The following ZNF721 variants were observed in gnomAD, a reference collection of about 807,000 sequenced individuals.
ZNF721 encodes zinc finger protein 721.
In ZNF721, 2 loss-of-function variants were observed where a neutral mutation model predicts 2.4. The observed-to-expected ratio is 0.82, with a 90% confidence interval of 0.34 to 2.58. ZNF721 has a LOEUF of 2.58. Among genes scored for constraint, ZNF721 ranks in the 30% most tolerant of loss-of-function variants. The probability of loss-of-function intolerance (pLI) is 0.11; values close to 1 mark genes in which losing one functional copy is unlikely to be tolerated. For synonymous variants in ZNF721, 398 were observed against 381.8 expected (o/e 1.04, Z -0.50); for missense variants, 1,187 against 1,085.5 (o/e 1.09, Z -1.31).
intron 2 of ZNF721, among the ~76,000 whole-genome samples, chr4:470,136 C>A (rs1199973104): frequency 6.6e-6 from 1 of 152,192 alleles, no homozygotes; most frequent in Non-Finnish European, 1.5e-5. Context: ...CCTGCCTCTG[C>A]CTCCCAAAGT....
At chr4:482,646 G>A (rs1243242515) in intron 1 of ZNF721, among the ~76,000 whole-genome samples, 2 of 151,460 alleles carry the variant, frequency 1.3e-5, no homozygotes, top group African/African-American at 2.4e-5. Flanking sequence ...ACAAGCGCCC[G>A]CCACCATGCC....
At chr4:471,025 C>T (rs1196911317) in intron 2 of ZNF721, among the ~76,000 whole-genome samples, 3 of 151,542 alleles carry the variant, frequency 2.0e-5, no homozygotes, top group East Asian at 3.9e-4. Flanking sequence ...AAGTTAATAT[C>T]CATATCCAAA....
chr4:480,832 G>A (rs975920378), intron 1 of ZNF721, among the ~76,000 whole-genome samples: 1 of 139,126 alleles, frequency 7.2e-6, no homozygotes, highest in Non-Finnish European at 1.6e-5. Flanking sequence ...GTGGGGGGGG[G>A]GGGAATGCTG....
At position 472,692 on chromosome 4, in the gene ZNF721, T is replaced by C. The variant is rs782094543; in HGVS notation, c.-84A>G. The C allele has an allele frequency of 1.2e-6, 2 of 1,612,294 alleles. No homozygotes were observed. The highest frequency in any genetic ancestry group is 2.2e-5 in the South Asian group (2 of 90,710). The stretch of plus-strand genomic sequence containing the variant: ...AATTCTATGGCCACATCCCTGAATG[T>C]TAAGGGTTCCTGAAAATACATATGT... On this transcript the variant is annotated 5_prime_UTR_variant, in exon 2 of 3. Transcript: ENST00000511833.
chr4:494,344 T>C (rs1432663026), intron 1 of ZNF721, among the ~76,000 whole-genome samples: 1 of 144,868 alleles, frequency 6.9e-6, no homozygotes, highest in Non-Finnish European at 1.6e-5. Flanking sequence ...ACCATGCCCA[T>C]CTAATTTTTT....
chr4:444,389 C>T lies in ZNF721; in HGVS notation c.78G>A (p.Gly26=), dbSNP rs1161277134. 1 of 1,600,496 alleles carries T rather than the reference C, an allele frequency of 6.2e-7. No homozygotes were observed. The highest frequency in any genetic ancestry group is 2.2e-5 in the East Asian group (1 of 44,714). ...HFTQDFLPVQ[G]IEDSFHKLIL... ...TAAGTTTGTGGAATGAATCTTCTAT[C>T]CCCTGCACTGGCAAAAAGTCTTGGG... is the stretch of plus-strand genomic sequence containing the variant. Residue 26 remains glycine, a synonymous_variant, in exon 3 of 3, where the codon GGG becomes GGA. Transcript: ENST00000511833.
Position 442,281 on chromosome 4 carries a change from T to G in ZNF721, c.2186A>C (p.Asp729Ala), listed in dbSNP as rs190944345. The change falls in exon 3 of 3, where the codon GAT becomes GCT. Residue 729 changes from aspartate to alanine, a missense_variant. Coordinates refer to ENST00000511833, the MANE Select transcript of ZNF721 (RefSeq NM_133474.4). ...GGACCATCCAAAGGATCTGCCACGA[T>G]CTTCACATTTGTAGGGTTTCTCCCT... ...HTREKPYKCE[D>A]RGRSFGWSTN... is the part of the protein sequence containing the mutation. 1.9e-6 allele frequency: 3 copies of G among 1,613,392 alleles called. No individual in the cohort carries two copies. The East Asian group carries it at 6.7e-5, about 36-fold the overall frequency.
At chr4:452,637 T>C (rs1576956401) in intron 2 of ZNF721, among the ~76,000 whole-genome samples, 1 of 152,128 alleles carries the variant, frequency 6.6e-6, no homozygotes, top group African/African-American at 2.4e-5. Flanking sequence ...TAGATCAACA[T>C]GCTAATTGGA....
chr4:476,739 A>C (rs1553868726), intron 1 of ZNF721, among the ~76,000 whole-genome samples: 1 of 152,182 alleles, frequency 6.6e-6, no homozygotes, highest in Non-Finnish European at 1.5e-5. Context: ...CACTGCTCCA[A>C]CTCTAAGTTA....
chr4:480,767 A>T (rs1715751206), intron 1 of ZNF721, among the ~76,000 whole-genome samples: 1 of 139,976 alleles, frequency 7.1e-6, no homozygotes. Flanking sequence ...TGCATATGCC[A>T]CATCTTCTTT....
intron 2 of ZNF721, among the ~76,000 whole-genome samples, chr4:453,223 C>G (rs1714728615): frequency 6.6e-6 from 1 of 152,206 alleles, no homozygotes; most frequent in African/African-American, 2.4e-5. Context: ...AGTAATGGTC[C>G]TCTGAGCTAT....
At chr4:458,401 T>C (rs1553865638) in intron 2 of ZNF721, among the ~76,000 whole-genome samples, 2 of 152,214 alleles carry the variant, frequency 1.3e-5, no homozygotes, top group African/African-American at 4.8e-5. Flanking sequence ...AGAAGATATT[T>C]ACCTCCCCAA....
intron 1 of ZNF721, among the ~76,000 whole-genome samples, chr4:488,294 G>T (rs1196123006): frequency 2.0e-5 from 3 of 152,214 alleles, no homozygotes; most frequent in Non-Finnish European, 4.4e-5. Flanking sequence ...TCTGGGAACA[G>T]AAGTGCAGGT....
At position 455,084 on chromosome 4, in the gene ZNF721, T is replaced by C. The variant is rs555920343; in HGVS notation, c.35-10652A>G. 1.1e-4 allele frequency among the ~76,000 whole-genome samples: 16 copies of C among 152,310 alleles called. No homozygotes were observed. In the South Asian group the frequency reaches 3.3e-3, roughly 32 times the overall value. ...TCCCGGTCTGGTGGTGAATCCTCCATAGTCTGGTGAATGTAAATATATGTA... is the reference window on the plus strand; with the variant it reads ...TCCCGGTCTGGTGGTGAATCCTCCACAGTCTGGTGAATGTAAATATATGTA... On this transcript the variant is annotated intron_variant, in intron 2 of 2. Transcript: ENST00000511833.
chr4:485,022 A>G (rs112110290), intron 1 of ZNF721, among the ~76,000 whole-genome samples: 1 of 151,736 alleles, frequency 6.6e-6, no homozygotes, highest in Non-Finnish European at 1.5e-5. Flanking sequence ...CTGTCCCTTT[A>G]TTTCTCAAGC....
intron 1 of ZNF721, among the ~76,000 whole-genome samples, chr4:497,760 T>TGGCGGCGGGCGC (rs1376201176): frequency 6.8e-6 from 1 of 146,896 alleles, no homozygotes; most frequent in East Asian, 2.0e-4. Context: ...TTGACGGGCG[T>TGGCGGCGGGCGC]GGCGGCGGGC....
At chr4:462,882 C>A (rs1436086790) in intron 2 of ZNF721, among the ~76,000 whole-genome samples, 2 of 152,126 alleles carry the variant, frequency 1.3e-5, no homozygotes, top group Non-Finnish European at 2.9e-5. Flanking sequence ...GCAATGGCAA[C>A]AAAAGCCAAA....
chr4:487,870 A>G (rs1373939516), intron 1 of ZNF721, among the ~76,000 whole-genome samples: 3 of 152,134 alleles, frequency 2.0e-5, no homozygotes, highest in Non-Finnish European at 4.4e-5. Flanking sequence ...CCTCATCTAC[A>G]CCCGAGTAGC....
intron 1 of ZNF721, among the ~76,000 whole-genome samples, chr4:494,243 G>C (rs1375107911): frequency 6.7e-6 from 1 of 150,052 alleles, no homozygotes; most frequent in Admixed American, 6.7e-5. Flanking sequence ...GTGCAGTGGC[G>C]CCATGTCGGC....
Sources: allele counts gnomAD v4.1 joint callset (sites outside exome capture counted in the v4.1 genomes callset), GRCh38; gene constraint gnomAD v4.1.1; transcripts MANE v1.5; gene names NCBI Gene and HGNC (gene_info 2026-07-23, HGNC 2026-07-21).